The following DOCK5 variants were observed in gnomAD, a reference collection of about 807,000 sequenced individuals.
DOCK5 encodes the protein dedicator of cytokinesis protein 5.
Under a neutral mutation model 251.8 loss-of-function variants are expected in DOCK5, and 142 were observed. The ratio of observed to expected loss-of-function variants is 0.56; its 90% CI spans 0.49 to 0.65. The LOEUF is 0.65. DOCK5 is among the 30% of genes least tolerant of loss of function. The pLI is 0.00. For missense variants in DOCK5, 2,111 were observed against 2,312.3 expected (o/e 0.91, Z 1.79); for synonymous variants, 842 against 835.5 (o/e 1.01, Z -0.13).
intron 1 of DOCK5, among the ~76,000 whole-genome samples, chr8:25,205,328 G>A (rs1344116848): frequency 6.6e-6 from 1 of 152,056 alleles, no homozygotes; most frequent in Non-Finnish European, 1.5e-5. Context: ...TGAGAGGGTG[G>A]CCACCTATAA....
rs74576405 is a variant in DOCK5, at chr8:25,411,979, T to C, written c.*681T>C. On this transcript the variant is annotated 3_prime_UTR_variant, in exon 52 of 52. Transcript: ENST00000276440. ...TTCTTGTGGCACAGGAAAGCTGCCC[T>C]CTCCCTCTCCCACCACACTCCTGAC... 9,447 of 151,128 alleles carry C rather than the reference T, an allele frequency of 0.063. 368 individuals carry two copies. Among genetic ancestry groups the C allele is most frequent in the South Asian group, 0.1 (489 of 4,720 alleles). 9.4% of individuals were successfully genotyped at this position (151,128 alleles called of 1,614,324 possible).
intron 1 of DOCK5, among the ~76,000 whole-genome samples, chr8:25,217,185 GAGAT>G (rs1001478686): frequency 4.7e-4 from 70 of 149,336 alleles, no homozygotes; most frequent in African/African-American, 1.6e-3. Flanking sequence ...GGGAGAGAGA[GAGAT>G]ATATATATAT....
intron 27 of DOCK5, among the ~76,000 whole-genome samples, chr8:25,355,514 A>G (rs1278795779): frequency 1.3e-5 from 2 of 152,140 alleles, no homozygotes; most frequent in East Asian, 1.9e-4. Flanking sequence ...CAGGGGTGCT[A>G]TCTCGGCTCA....
rs781530263 is a variant in DOCK5 at position 25,369,640 on chromosome 8, CTG to C, written c.3524+2_3524+3del. On this transcript the variant is annotated splice_donor_variant and coding_sequence_variant, in exon 34 of 52. Transcript: ENST00000276440. LOFTEE classifies it high-confidence loss of function. Reference sequence around the variant, plus strand: ...ACAATACAAGGTTCTTCTGGAAAAACTGTGAGTATTTCAGGAACGAAACCTGA... The same window carrying C: ...ACAATACAAGGTTCTTCTGGAAAAACTGAGTATTTCAGGAACGAAACCTGA... 3.1e-6 allele frequency: 5 copies of C among 1,605,696 alleles called. No homozygotes were observed. The highest frequency in any genetic ancestry group is 1.1e-5 in the South Asian group (1 of 89,348).
chr8:25,332,399 C>G lies in DOCK5; in HGVS notation c.2001+51C>G, dbSNP rs1417105025. The G allele has an allele frequency of 5.6e-6, 8 of 1,417,674 alleles. No individual in the cohort carries two copies. In the African/African-American group the frequency reaches 1.1e-4, roughly 20 times the overall value. 87.8% of individuals were successfully genotyped at this position (1,417,674 alleles called of 1,614,324 possible). On this transcript the variant is annotated intron_variant, in intron 19 of 51. Coordinates refer to ENST00000276440, the MANE Select transcript of DOCK5 (RefSeq NM_024940.8). The stretch of plus-strand genomic sequence containing the variant: ...AATACACATACCTACATATATATAC[C>G]TATCTAATTATACCTAATTGGTTCA...
At chr8:25,388,228 T>C (rs1429320790) in intron 40 of DOCK5, among the ~76,000 whole-genome samples, 1 of 152,222 alleles carries the variant, frequency 6.6e-6, no homozygotes, top group Non-Finnish European at 1.5e-5. Flanking sequence ...CAGCTGATCT[T>C]CTCTTTGTGC....
chr8:25,227,468 TTTC>T (rs1218500067), intron 1 of DOCK5, among the ~76,000 whole-genome samples: 4 of 152,198 alleles, frequency 2.6e-5, no homozygotes, highest in African/African-American at 9.7e-5. Flanking sequence ...TTTTGGATAT[TTTC>T]TTATTTGATT....
intron 25 of DOCK5, among the ~76,000 whole-genome samples, chr8:25,345,051 T>A (rs1800332652): frequency 6.6e-6 from 1 of 152,164 alleles, no homozygotes; most frequent in Admixed American, 6.5e-5. Flanking sequence ...TTATAGGAAC[T>A]TTATTTATAG....
intron 1 of DOCK5, among the ~76,000 whole-genome samples, chr8:25,234,577 G>T (rs1296397718): frequency 6.6e-6 from 1 of 152,150 alleles, no homozygotes; most frequent in Non-Finnish European, 1.5e-5. Flanking sequence ...AGAACTATAG[G>T]CATGAATAAC....
At chr8:25,402,843 G>A (rs1447489682) in intron 47 of DOCK5, among the ~76,000 whole-genome samples, 3 of 151,996 alleles carry the variant, frequency 2.0e-5, no homozygotes, top group Non-Finnish European at 4.4e-5. Context: ...ATTCCTGTCT[G>A]CCCACCTTCA....
chr8:25,198,666 C>T (rs1021459670), intron 1 of DOCK5, among the ~76,000 whole-genome samples: 4 of 151,978 alleles, frequency 2.6e-5, no homozygotes, highest in African/African-American at 4.8e-5. Flanking sequence ...TATTAAGAGC[C>T]GGAGTTTGTA....
chr8:25,411,263 T>C lies in DOCK5; in HGVS notation c.5578T>C (p.Ser1860Pro). 1 of 1,580,452 alleles carries C rather than the reference T, an allele frequency of 6.3e-7. No homozygotes were observed. The highest frequency in any genetic ancestry group is 1.2e-5 in the South Asian group (1 of 86,028). The change falls in exon 52 of 52, where the codon TCT becomes CCT. Residue 1860 changes from serine (S) to proline (P), a missense_variant. Around this residue, in one of 3 missense-constraint regions of DOCK5, gnomAD observed 1,717 missense variants for 1,892.4 expected, o/e 0.91. Transcript: ENST00000276440. Reference sequence around the variant, plus strand: ...CCCTCCACCTCCAAAGGCTCGGAAGTCTGGCATCCCTACTTCCGAGCCTGG... The same window carrying C: ...CCCTCCACCTCCAAAGGCTCGGAAGCCTGGCATCCCTACTTCCGAGCCTGG... ...PPPPPPKARK[S>P]GIPTSEPGSQ
chr8:25,330,203 A>G (rs753049608), intron 18 of DOCK5, among the ~76,000 whole-genome samples: 2 of 152,230 alleles, frequency 1.3e-5, no homozygotes, highest in Non-Finnish European at 2.9e-5. Context: ...GATGGTGCCT[A>G]GTGGATGAAT....
In DOCK5 at chr8:25,351,830, A is replaced by G; in HGVS notation, c.2850+4A>G. ...GAACCGGCAGTCTCCCCACATCGTG[A>G]GTATCTCTTTGTTGGATCCCACGGC... On this transcript the variant is annotated splice_donor_region_variant and intron_variant, in intron 27 of 51. Transcript: ENST00000276440. 1 of 1,612,880 alleles carries G rather than the reference A, an allele frequency of 6.2e-7. No individual in the cohort carries two copies. The highest frequency in any genetic ancestry group is 8.5e-7 in the Non-Finnish European group (1 of 1,179,214).
intron 36 of DOCK5, among the ~76,000 whole-genome samples, chr8:25,373,984 A>C (rs1320755529): frequency 6.6e-6 from 1 of 152,182 alleles, no homozygotes; most frequent in Non-Finnish European, 1.5e-5. Context: ...GAATCCCTGA[A>C]CATGAAACAA....
At chr8:25,282,907 A>T (rs2941597) in intron 5 of DOCK5, among the ~76,000 whole-genome samples, 4 of 144,132 alleles carry the variant, frequency 2.8e-5, no homozygotes, top group African/African-American at 1.0e-4. Context: ...TAGAAATCCC[A>T]CATTTCTATA....
chr8:25,198,279 A>T (rs115022579), intron 1 of DOCK5, among the ~76,000 whole-genome samples: 18 of 152,154 alleles, frequency 1.2e-4, no homozygotes, highest in Non-Finnish European at 1.5e-4. Flanking sequence ...CAGTTATAAG[A>T]CGAAGTGACG....
At chr8:25,284,536 G>A (rs1586294227) in intron 5 of DOCK5, among the ~76,000 whole-genome samples, 1 of 152,174 alleles carries the variant, frequency 6.6e-6, no homozygotes, top group South Asian at 2.1e-4. Context: ...AGGTCGATGG[G>A]TTTCAGATTT....
At chr8:25,391,319 C>G (rs936835684) in intron 42 of DOCK5, among the ~76,000 whole-genome samples, 2 of 151,968 alleles carry the variant, frequency 1.3e-5, no homozygotes, top group East Asian at 3.9e-4. Context: ...ACCTCTGCCT[C>G]CCGAAGTGGT....
Sources: gnomAD v4.1 joint callset for allele counts (sites outside exome capture counted in the v4.1 genomes callset) on GRCh38, gnomAD v4.1.1 for gene constraint, gnomAD v4.1.1 regional missense constraint, MANE v1.5 for transcripts, NCBI Gene and HGNC (gene_info 2026-07-23, HGNC 2026-07-21) for gene names.